Variants in PTPRT observed in about 807,000 individuals in gnomAD.
PTPRT encodes protein tyrosine phosphatase receptor type T.
Under a neutral mutation model 176.8 loss-of-function variants are expected in PTPRT, and 56 were observed. That is an observed-to-expected ratio of 0.32 (90% CI 0.26 to 0.40). PTPRT has a LOEUF of 0.40. Among genes scored for constraint, PTPRT ranks in the 10% least tolerant of loss-of-function variants. The pLI is 1.00. For synonymous variants in PTPRT, 783 were observed against 739.0 expected (o/e 1.06, Z -0.96); for missense variants, 1,540 against 1,908.2 (o/e 0.81, Z 3.60).
intron 7 of PTPRT, among the ~76,000 whole-genome samples, chr20:42,553,003 G>C (rs1277941394): frequency 6.6e-6 from 1 of 152,054 alleles, no homozygotes; most frequent in African/African-American, 2.4e-5. Context: ...GGTCAGCCTG[G>C]CCCTTTTTAG....
chr20:42,039,961 G>A, the PTPRT span, among the ~76,000 whole-genome samples: 1 of 151,954 alleles, frequency 6.6e-6, no homozygotes, highest in South Asian at 2.1e-4. Context: ...CCAGTAGTGG[G>A]ATTGCTGGAT....
chr20:42,829,979 C>A (rs559192562), intron 2 of PTPRT, among the ~76,000 whole-genome samples: 1 of 152,106 alleles, frequency 6.6e-6, no homozygotes, highest in Admixed American at 6.5e-5. Flanking sequence ...AAAACAAGCC[C>A]AGGACCAGAA....
intron 16 of PTPRT, among the ~76,000 whole-genome samples, chr20:42,193,304 G>A (rs1467947551): frequency 6.6e-6 from 1 of 152,230 alleles, no homozygotes; most frequent in East Asian, 1.9e-4. Context: ...TAGGCTCCAT[G>A]CCAGTACCTG....
chr20:43,087,363 CTTTTTTTTTTTTTT>C (rs1207811758), intron 1 of PTPRT, among the ~76,000 whole-genome samples: 1 of 50,370 alleles, frequency 2.0e-5, no homozygotes, highest in Non-Finnish European at 5.3e-5. Flanking sequence ...ACTGTCCGTC[CTTTTTTTTTTTTTT>C]TTTTTTTTTT....
intron 26 of PTPRT, among the ~76,000 whole-genome samples, chr20:42,099,315 A>T (rs1985627235): frequency 6.6e-6 from 1 of 152,104 alleles, no homozygotes. Context: ...CATAAATCCA[A>T]AGGAATGATG....
chr20:42,798,706 G>A lies in PTPRT; in HGVS notation c.215-7240C>T, dbSNP rs148831615. 2.7e-3 allele frequency among the ~76,000 whole-genome samples: 414 copies of A among 152,226 alleles called. 3 individuals carry two copies. The highest frequency in any genetic ancestry group is 9.7e-3 in the African/African-American group (402 of 41,544). On this transcript the variant is annotated intron_variant, in intron 2 of 30. Transcript: ENST00000373187. ...TATTGTGAACATTTTGTCACTTTGC[G>A]TGAACAAGTAATAAGCATTTCTGTA...
intron 7 of PTPRT, among the ~76,000 whole-genome samples, chr20:42,480,768 C>T (rs73273308): frequency 0.037 from 5,565 of 152,150 alleles, 270 homozygotes; most frequent in African/African-American, 0.11. Context: ...GAAACCAAAG[C>T]CATCAAAGAA....
At chr20:42,621,782 C>G (rs1036423232) in intron 7 of PTPRT, among the ~76,000 whole-genome samples, 1 of 152,192 alleles carries the variant, frequency 6.6e-6, no homozygotes, top group Admixed American at 6.5e-5. Context: ...TACTTCCAGT[C>G]TACTTTTTTC....
intron 9 of PTPRT, among the ~76,000 whole-genome samples, chr20:42,399,330 G>A (rs1039313314): frequency 3.3e-5 from 5 of 152,174 alleles, no homozygotes; most frequent in South Asian, 4.1e-4. Flanking sequence ...ATCCTTCGGC[G>A]GTAGGAACTA....
intron 1 of PTPRT, among the ~76,000 whole-genome samples, chr20:43,147,369 G>A (rs2014199884): frequency 6.6e-6 from 1 of 152,180 alleles, no homozygotes; most frequent in Admixed American, 6.5e-5. Context: ...TTGTTGCACA[G>A]TAGAAACTCA....
intron 7 of PTPRT, among the ~76,000 whole-genome samples, chr20:42,617,374 C>T (rs2074101931): frequency 1.5e-5 from 2 of 135,850 alleles, no homozygotes; most frequent in Admixed American, 7.0e-5. Context: ...CCTCAATGTT[C>T]ATCAAGGATA....
chr20:42,621,020 G>C (rs2074185280), intron 7 of PTPRT, among the ~76,000 whole-genome samples: 2 of 152,130 alleles, frequency 1.3e-5, no homozygotes, highest in African/African-American at 4.8e-5. Flanking sequence ...TCACTATCAG[G>C]AGAACAGCAT....
chr20:42,209,801 G>A (rs1271155674), intron 15 of PTPRT, among the ~76,000 whole-genome samples: 1 of 152,132 alleles, frequency 6.6e-6, no homozygotes. Context: ...ATTTTATGAG[G>A]CCAGCATCAT....
intron 1 of PTPRT, among the ~76,000 whole-genome samples, chr20:43,135,725 G>A (rs896085057): frequency 6.6e-6 from 1 of 152,204 alleles, no homozygotes; most frequent in Non-Finnish European, 1.5e-5. Flanking sequence ...ACCACTGAGT[G>A]TAGTGACCAA....
Position 43,056,928 on chromosome 20 carries a change from C to T in PTPRT, c.88+132718G>A, listed in dbSNP as rs962247914. On this transcript the variant is annotated intron_variant, in intron 1 of 30. Coordinates refer to ENST00000373187, the MANE Select transcript of PTPRT (RefSeq NM_007050.6). The stretch of plus-strand genomic sequence containing the variant: ...CCTCAAGCGTCCTTATTCCTGCTTC[C>T]TTTTATCTTAAAAGTGATGGCAAAT... 3.3e-5 allele frequency among the ~76,000 whole-genome samples: 5 copies of T among 151,950 alleles called. No homozygotes were observed. In the South Asian group the frequency reaches 1.0e-3, roughly 32 times the overall value.
intron 1 of PTPRT, among the ~76,000 whole-genome samples, chr20:42,996,550 C>T (rs549601551): frequency 2.0e-5 from 3 of 152,294 alleles, no homozygotes; most frequent in South Asian, 4.2e-4. Flanking sequence ...CCACTTTGCA[C>T]ACACAAGCTC....
intron 8 of PTPRT, among the ~76,000 whole-genome samples, chr20:42,466,985 A>G (rs1392511350): frequency 3.9e-5 from 6 of 152,142 alleles, no homozygotes; most frequent in Non-Finnish European, 8.8e-5. Flanking sequence ...ATTTGAGGCA[A>G]TTTGAGCATC....
intron 9 of PTPRT, among the ~76,000 whole-genome samples, chr20:42,421,326 G>A (rs1415130969): frequency 3.6e-5 from 5 of 139,732 alleles, no homozygotes; most frequent in African/African-American, 8.5e-5. Context: ...AAGTGCAGCA[G>A]GTTGGGTGGC....
intron 7 of PTPRT, among the ~76,000 whole-genome samples, chr20:42,639,372 T>C (rs1460350111): frequency 6.6e-6 from 1 of 152,150 alleles, no homozygotes; most frequent in African/African-American, 2.4e-5. Context: ...CGTGGTAAAG[T>C]AAGAAACTTG....
Sources: allele counts gnomAD v4.1 joint callset (sites outside exome capture counted in the v4.1 genomes callset), GRCh38; gene constraint gnomAD v4.1.1; transcripts MANE v1.5; gene names NCBI Gene and HGNC (gene_info 2026-07-23, HGNC 2026-07-21).